The following COL14A1 variants were observed in gnomAD, a reference collection of about 807,000 sequenced individuals.
COL14A1 encodes collagen alpha-1(XIV) chain.
A neutral mutation model predicts 230.3 loss-of-function variants in COL14A1; 136 were observed. The ratio of observed to expected loss-of-function variants is 0.59; its 90% confidence interval spans 0.51 to 0.68. The LOEUF (loss-of-function observed/expected upper bound fraction) is 0.68, where lower values mean the gene tolerates loss of function less well. COL14A1 is among the 30% of genes least tolerant of loss of function. COL14A1 has a pLI of 0.00. For synonymous variants in COL14A1, 792 were observed against 784.1 expected (o/e 1.01, Z -0.17); for missense variants, 1,976 against 2,215.8 (o/e 0.89, Z 2.17).
chr8:120,175,406 A>AT (rs552869841), intron 5 of COL14A1, among the ~76,000 whole-genome samples: 2 of 152,112 alleles, frequency 1.3e-5, no homozygotes, highest in Non-Finnish European at 2.9e-5. Flanking sequence ...TTTTTCAGTG[A>AT]TTTTTAAAAT....
intron 1 of COL14A1, among the ~76,000 whole-genome samples, chr8:120,125,976 G>T (rs1316394286): frequency 6.6e-6 from 1 of 152,190 alleles, no homozygotes; most frequent in Non-Finnish European, 1.5e-5. Context: ...TCTCTGCGCC[G>T]GGAGGCTGGG....
At chr8:120,219,116 AC>A (rs1423695130) in intron 14 of COL14A1, among the ~76,000 whole-genome samples, 2 of 151,890 alleles carry the variant, frequency 1.3e-5, no homozygotes, top group Non-Finnish European at 2.9e-5. Context: ...TGCCTGGGGA[AC>A]TTTTGTTTAT....
At chr8:120,193,063 G>A (rs529538398) in intron 5 of COL14A1, among the ~76,000 whole-genome samples, 18 of 152,220 alleles carry the variant, frequency 1.2e-4, no homozygotes, top group South Asian at 6.2e-4. Context: ...GTCATTCTCC[G>A]TCCAGCTTTG....
chr8:120,265,432 T>C (rs1586816483), intron 24 of COL14A1, among the ~76,000 whole-genome samples: 1 of 152,216 alleles, frequency 6.6e-6, no homozygotes, highest in East Asian at 1.9e-4. Context: ...ATTTTTTAAA[T>C]TTGGAGAGTT....
At chr8:120,321,643 GA>G (rs34224685) in intron 40 of COL14A1, among the ~76,000 whole-genome samples, 5 of 145,676 alleles carry the variant, frequency 3.4e-5, no homozygotes, top group South Asian at 4.4e-4. Context: ...ACTTGTCTCA[GA>G]AAAAAAAAAA....
At position 120,373,081 on chromosome 8, in the gene COL14A1, A is replaced by T. The variant is rs1320245780; in HGVS notation, c.*1850A>T. Among the ~76,000 whole-genome samples the T allele has an allele frequency of 6.6e-6, 1 of 152,136 alleles. No individual in the cohort carries two copies. Among genetic ancestry groups the T allele is most frequent in the African/African-American group, 2.4e-5 (1 of 41,440 alleles). On this transcript the variant is annotated 3_prime_UTR_variant, in exon 48 of 48. Coordinates refer to ENST00000297848, the MANE Select transcript of COL14A1 (RefSeq NM_021110.4). ...AGTTGCTTCTTATTCTGTGTCTCAG[A>T]TTTCCTAGTCCATGACATTTAATAG...
At chr8:120,206,613 T>C (rs962236277) in intron 9 of COL14A1, among the ~76,000 whole-genome samples, 1 of 152,208 alleles carries the variant, frequency 6.6e-6, no homozygotes, top group Non-Finnish European at 1.5e-5. Context: ...CCTCCCAAAG[T>C]GTTGGGATTA....
At chr8:120,346,127 C>T (rs1822500651) in intron 45 of COL14A1, among the ~76,000 whole-genome samples, 1 of 152,226 alleles carries the variant, frequency 6.6e-6, no homozygotes, top group African/African-American at 2.4e-5. Flanking sequence ...GCTCATCTTC[C>T]TATTATATCA....
intron 42 of COL14A1, among the ~76,000 whole-genome samples, chr8:120,335,007 T>C (rs1822003403): frequency 6.6e-6 from 1 of 152,214 alleles, no homozygotes; most frequent in African/African-American, 2.4e-5. Context: ...TTATTCTTAC[T>C]AGCATCTCCT....
intron 14 of COL14A1, among the ~76,000 whole-genome samples, chr8:120,218,636 A>C (rs1424622320): frequency 3.9e-5 from 6 of 152,132 alleles, no homozygotes; most frequent in African/African-American, 1.4e-4. Flanking sequence ...TTGTCTTCCC[A>C]TTTTGAGGAC....
chr8:120,338,389 T>G (rs1392137139), intron 42 of COL14A1, among the ~76,000 whole-genome samples: 1 of 152,196 alleles, frequency 6.6e-6, no homozygotes, highest in Non-Finnish European at 1.5e-5. Context: ...TGTGCATGGA[T>G]TCTGGAGCCC....
intron 33 of COL14A1, among the ~76,000 whole-genome samples, chr8:120,289,151 C>G (rs563074218): frequency 6.6e-6 from 1 of 152,254 alleles, no homozygotes; most frequent in East Asian, 1.9e-4. Flanking sequence ...TTCTAGATCC[C>G]CTTTCCTCAT....
intron 5 of COL14A1, among the ~76,000 whole-genome samples, chr8:120,195,051 G>A (rs1816981502): frequency 6.6e-6 from 1 of 152,182 alleles, no homozygotes; most frequent in African/African-American, 2.4e-5. Flanking sequence ...GGATTAAGTT[G>A]TACTGTTTAG....
At position 120,305,788 on chromosome 8, in the gene COL14A1, T is replaced by A. The variant is rs576471756; in HGVS notation, c.4402-4221T>A. Among the ~76,000 whole-genome samples, 17 of 152,280 alleles carry A rather than the reference T, an allele frequency of 1.1e-4. No homozygotes were observed. The South Asian group carries it at 3.5e-3, about 32-fold the overall frequency. ...TTAATTTTTGCTTTTTTTGTATTCC[T>A]TTTTTCTCCTCCACTAGTTTGGAAA... On this transcript the variant is annotated intron_variant, in intron 36 of 47. Coordinates refer to ENST00000297848, the MANE Select transcript of COL14A1 (RefSeq NM_021110.4).
chr8:120,202,878 A>G (rs976391704), intron 8 of COL14A1, among the ~76,000 whole-genome samples: 6 of 151,486 alleles, frequency 4.0e-5, no homozygotes, highest in African/African-American at 1.5e-4. Context: ...TTCTATTTAC[A>G]TTAGTAAAAT....
intron 3 of COL14A1, among the ~76,000 whole-genome samples, chr8:120,161,723 C>T (rs953433604): frequency 1.2e-4 from 18 of 151,978 alleles, no homozygotes; most frequent in Admixed American, 8.5e-4. Flanking sequence ...AGTGCAGTGG[C>T]GCAATATCGG....
chr8:120,148,624 A>G (rs921631333), intron 2 of COL14A1, among the ~76,000 whole-genome samples: 2 of 152,220 alleles, frequency 1.3e-5, no homozygotes, highest in Middle Eastern at 3.2e-3. Flanking sequence ...CTTGTCTCTT[A>G]CATAATGTAC....
intron 1 of COL14A1, among the ~76,000 whole-genome samples, chr8:120,146,474 A>G (rs1485163100): frequency 1.3e-5 from 2 of 152,116 alleles, no homozygotes; most frequent in East Asian, 1.9e-4. Flanking sequence ...TTTACCAACT[A>G]TACAGGACCA....
intron 2 of COL14A1, among the ~76,000 whole-genome samples, chr8:120,155,524 G>A (rs1337530310): frequency 6.6e-6 from 1 of 152,156 alleles, no homozygotes; most frequent in African/African-American, 2.4e-5. Flanking sequence ...CCTGAATGTT[G>A]TTTGCTGTTT....
Sources: gnomAD v4.1 joint callset for allele counts (sites outside exome capture counted in the v4.1 genomes callset) on GRCh38, gnomAD v4.1.1 for gene constraint, MANE v1.5 for transcripts, NCBI Gene and HGNC (gene_info 2026-07-23, HGNC 2026-07-21) for gene names.